Variants in CDC16 observed in about 807,000 individuals in gnomAD.
CDC16 encodes the protein cell division cycle protein 16 homolog.
CDC16 carries 34 observed loss-of-function variants against 87.0 expected under a neutral mutation model. The ratio of observed to expected loss-of-function variants is 0.39; its 90% confidence interval spans 0.30 to 0.52. CDC16 has a LOEUF of 0.52. Ranked by LOEUF, CDC16 falls within the 20% of genes least tolerant of loss-of-function variation. CDC16 has a pLI of 0.74. For synonymous variants in CDC16, 263 were observed against 260.6 expected (o/e 1.01, Z -0.09); for missense variants, 653 against 751.9 (o/e 0.87, Z 1.54).
chr13:114,240,326 C>A (rs1208469175), intron 5 of CDC16, among the ~76,000 whole-genome samples: 1 of 152,124 alleles, frequency 6.6e-6, no homozygotes, highest in African/African-American at 2.4e-5. Context: ...TCTCCCACCT[C>A]AGCCTCCCGA....
Position 114,235,048 on chromosome 13 carries a change from G to A in CDC16, c.-37G>A. ...TTAGGGTGCAGGAGGCGCGCGCCTA[G>A]CGGCGGAGTGTGGCGTGAGGCCGGG... On this transcript the variant is annotated 5_prime_UTR_variant, in exon 1 of 18. Transcript: ENST00000356221. 2 of 1,246,904 alleles carry A rather than the reference G, an allele frequency of 1.6e-6. No individual in the cohort carries two copies. The highest frequency in any genetic ancestry group is 2.0e-6 in the Non-Finnish European group (2 of 996,440). The allele number at this position is 1,246,904 out of a possible 1,614,324, so 77.2% of individuals were successfully genotyped here.
At chr13:114,263,371 C>T (rs1272799637) in intron 16 of CDC16, among the ~76,000 whole-genome samples, 1 of 152,196 alleles carries the variant, frequency 6.6e-6, no homozygotes, top group Non-Finnish European at 1.5e-5. Context: ...ATGAACAAAA[C>T]AGTCTCTGCA....
chr13:114,267,787 A>G (rs1479741820), intron 17 of CDC16, among the ~76,000 whole-genome samples: 1 of 145,422 alleles, frequency 6.9e-6, no homozygotes, highest in Non-Finnish European at 1.5e-5. Flanking sequence ...CCCATGAAAC[A>G]TGGCTGGATT....
At chr13:114,238,961 C>G (rs775278744) in intron 3 of CDC16, 29 bp from the exon 4 acceptor site, 1 of 1,603,228 alleles carries the variant, frequency 6.2e-7, no homozygotes, top group South Asian at 1.1e-5. Flanking sequence ...ATTTTGACCA[C>G]TACTTAAACA....
chr13:114,257,944 G>A (rs867752405), intron 13 of CDC16, among the ~76,000 whole-genome samples: 42 of 151,950 alleles, frequency 2.8e-4, no homozygotes, highest in African/African-American at 9.4e-4. Context: ...CCACCACCAC[G>A]CCCGGCTAAT....
At chr13:114,245,497 G>A (rs377006827) in intron 9 of CDC16, among the ~76,000 whole-genome samples, 1 of 152,178 alleles carries the variant, frequency 6.6e-6, no homozygotes, top group African/African-American at 2.4e-5. Context: ...AGTGTGGTTC[G>A]TGGACCAGCA....
chr13:114,268,244 AAAAT>A (rs1336986556), intron 17 of CDC16, among the ~76,000 whole-genome samples: 7 of 152,214 alleles, frequency 4.6e-5, no homozygotes, highest in Non-Finnish European at 4.4e-5. Context: ...AAAGAAATGA[AAAAT>A]AAATCCCAAA....
At chr13:114,239,722 T>C (rs2081447204) in intron 5 of CDC16, among the ~76,000 whole-genome samples, 1 of 152,230 alleles carries the variant, frequency 6.6e-6, no homozygotes, top group Non-Finnish European at 1.5e-5. Context: ...GGCTTGAAAC[T>C]TCCTTCTCAT....
At chr13:114,271,623 C>T (rs1220069360) in intron 17 of CDC16, among the ~76,000 whole-genome samples, 4 of 151,900 alleles carry the variant, frequency 2.6e-5, no homozygotes, top group South Asian at 4.1e-4. Flanking sequence ...TACAGGCACC[C>T]GCCACCATGC....
intron 17 of CDC16, among the ~76,000 whole-genome samples, chr13:114,265,599 G>A (rs945506063): frequency 6.6e-6 from 1 of 152,220 alleles, no homozygotes; most frequent in Non-Finnish European, 1.5e-5. Context: ...ATTTTATAAT[G>A]CAGGGTATAA....
rs778239893 is a variant in CDC16, at chr13:114,243,220, T to C, written c.542-37T>C. 8.6e-6 allele frequency: 8 copies of C among 925,492 alleles called. No homozygotes were observed. The East Asian group carries it at 9.6e-5, about 11-fold the overall frequency. The allele number at this position is 925,492 out of a possible 1,614,324, so 57.3% of individuals were successfully genotyped here. ...GTTGGCTTTTTCCCCTCTATAAATA[T>C]TATGAGGATATTCTTTTTTTTCTCA... On this transcript the variant is annotated intron_variant, in intron 6 of 17. Coordinates refer to ENST00000356221, the MANE Select transcript of CDC16 (RefSeq NM_001078645.3).
chr13:114,261,914 T>C lies in CDC16; in HGVS notation c.1342T>C (p.Leu448=). ...EVTVDKWEPL[L]NNLGHVCRKL... is the part of the protein sequence containing the mutation. ...AACAGTTGACAAATGGGAACCTTTGTTGAACAACTTGGGGCATGTCTGCAG... is the reference window on the plus strand; with the variant it reads ...AACAGTTGACAAATGGGAACCTTTGCTGAACAACTTGGGGCATGTCTGCAG... The change falls in exon 15 of 18, where the codon TTG becomes CTG. Residue 448 remains leucine (L), a synonymous_variant. Transcript: ENST00000356221. The C allele has an allele frequency of 6.2e-7, 1 of 1,605,438 alleles. No homozygotes were observed. Among genetic ancestry groups the C allele is most frequent in the Non-Finnish European group, 8.5e-7 (1 of 1,176,478 alleles).
intron 12 of CDC16, among the ~76,000 whole-genome samples, chr13:114,255,836 T>A (rs1327117585): frequency 6.6e-6 from 1 of 152,042 alleles, no homozygotes; most frequent in East Asian, 1.9e-4. Flanking sequence ...AGAGATGGGG[T>A]CTCACTGTGT....
At chr13:114,244,319 G>A (rs186177322) in intron 8 of CDC16, among the ~76,000 whole-genome samples, 1 of 152,312 alleles carries the variant, frequency 6.6e-6, no homozygotes, top group Non-Finnish European at 1.5e-5. Context: ...TAGATACTAG[G>A]TGTTTAATAT....
intron 12 of CDC16, among the ~76,000 whole-genome samples, chr13:114,252,183 C>T (rs1230041201): frequency 7.1e-5 from 8 of 111,990 alleles, no homozygotes; most frequent in East Asian, 2.7e-4. Context: ...GATAAGAGCC[C>T]TACACTAGCC....
At chr13:114,263,133 C>T (rs2082953843) in intron 16 of CDC16, 119 bp downstream of exon 16, 11 of 828,494 alleles carry the variant, frequency 1.3e-5, no homozygotes, top group East Asian at 5.2e-5. Flanking sequence ...GGCAACCTTA[C>T]GTGTTATTCT....
In CDC16 at chr13:114,246,990, C is replaced by T; in HGVS notation, c.957C>T (p.Ala319=). The change falls in exon 11 of 18, where the codon GCC becomes GCT. Residue 319 remains alanine (A), a synonymous_variant. Transcript: ENST00000356221. ...YLMVGHKNEH[A]RRYLSKATTL... ...TGGTCGGTCATAAAAATGAACATGC[C>T]AGAAGATATCTCAGGTATGAATTTA... The T allele has an allele frequency of 1.2e-6, 2 of 1,607,030 alleles. No homozygotes were observed. Among genetic ancestry groups the T allele is most frequent in the Non-Finnish European group, 8.5e-7 (1 of 1,173,714 alleles).
At chr13:114,252,061 ATTGGATAAGAGCCTTACACTAGCCCTG>A (rs2082216364) in intron 12 of CDC16, among the ~76,000 whole-genome samples, 8 of 93,718 alleles carry the variant, frequency 8.5e-5, no homozygotes, top group African/African-American at 2.6e-4. Context: ...CACTAACCCT[ATTGGATAAGAGCCTTACACTAGCCCTG>A]TTGGATAAGA....
At chr13:114,263,672 G>T (rs1344730901) in intron 16 of CDC16, among the ~76,000 whole-genome samples, 2 of 152,148 alleles carry the variant, frequency 1.3e-5, no homozygotes, top group Non-Finnish European at 2.9e-5. Context: ...ATAGTGCCCT[G>T]GTGCTAGCAC....
Sources: allele counts gnomAD v4.1 joint callset (sites outside exome capture counted in the v4.1 genomes callset), GRCh38; gene constraint gnomAD v4.1.1; transcripts MANE v1.5; gene names NCBI Gene and HGNC (gene_info 2026-07-23, HGNC 2026-07-21).